The following SPOCK1 variants were observed in gnomAD, a reference collection of about 807,000 sequenced individuals.
The protein encoded by SPOCK1 is SPARC (osteonectin), cwcv and kazal like domains proteoglycan 1.
A neutral mutation model predicts 55.3 loss-of-function variants in SPOCK1; 23 were observed. The observed-to-expected ratio is 0.42, with a 90% CI of 0.30 to 0.59. The LOEUF (loss-of-function observed/expected upper bound fraction) is 0.59. Ranked by LOEUF, SPOCK1 falls within the 20% of genes least tolerant of loss-of-function variation. SPOCK1 has a pLI of 0.22. For synonymous variants in SPOCK1, 226 were observed against 221.0 expected (o/e 1.02, Z -0.20); for missense variants, 499 against 552.5 (o/e 0.90, Z 0.97).
chr5:137,052,598 T>C (rs539280277), intron 6 of SPOCK1, among the ~76,000 whole-genome samples: 28 of 152,318 alleles, frequency 1.8e-4, no homozygotes, highest in African/African-American at 6.0e-4. Context: ...ATAAAATCAG[T>C]ATTTATAACT....
At chr5:137,050,722 A>G (rs546940098) in intron 6 of SPOCK1, among the ~76,000 whole-genome samples, 1 of 152,348 alleles carries the variant, frequency 6.6e-6, no homozygotes, top group Admixed American at 6.5e-5. Flanking sequence ...TCTGCAGATG[A>G]TATCATTTTC....
At chr5:137,037,427 T>C (rs1751905449) in intron 6 of SPOCK1, among the ~76,000 whole-genome samples, 2 of 151,532 alleles carry the variant, frequency 1.3e-5, no homozygotes, top group South Asian at 2.1e-4. Flanking sequence ...CCTTCCTCTG[T>C]AGTCCACCTT....
At chr5:136,978,906 G>T in intron 10 of SPOCK1, 62 bp from the exon 11 acceptor site, 2 of 1,505,644 alleles carry the variant, frequency 1.3e-6, no homozygotes, top group East Asian at 2.3e-5. Flanking sequence ...CCACGTCAGG[G>T]GTTCCTTTGC....
chr5:137,099,344 G>A (rs974528195), intron 5 of SPOCK1, among the ~76,000 whole-genome samples: 1 of 152,098 alleles, frequency 6.6e-6, no homozygotes, highest in African/African-American at 2.4e-5. Flanking sequence ...ATAATGGGTT[G>A]GGGCAAAAGT....
In SPOCK1 at chr5:137,160,539, TA is replaced by T. The variant is rs1408515887; in HGVS notation, c.233-19846del. Among the ~76,000 whole-genome samples, 416 of 73,890 alleles carry T rather than the reference TA, an allele frequency of 5.6e-3. 1 individual carries two copies. The highest frequency in any genetic ancestry group is 0.013 in the African/African-American group (226 of 17,562). 48.5% of individuals were successfully genotyped at this position (73,890 alleles called of 152,430 possible). ...TATATATATAATATATAAAAATATATAATATATATAATATATATTATATATT... is the reference window on the plus strand; with the variant it reads ...TATATATATAATATATAAAAATATATATATATATAATATATATTATATATT... On this transcript the variant is annotated intron_variant, in intron 3 of 10. Transcript: ENST00000394945.
chr5:137,104,884 G>T (rs1052612599), intron 5 of SPOCK1, among the ~76,000 whole-genome samples: 1 of 152,122 alleles, frequency 6.6e-6, no homozygotes, highest in South Asian at 2.1e-4. Context: ...GAAATAAAGT[G>T]CACAATAAAT....
intron 4 of SPOCK1, among the ~76,000 whole-genome samples, chr5:137,131,084 C>G (rs897734494): frequency 2.0e-5 from 3 of 152,190 alleles, no homozygotes; most frequent in Non-Finnish European, 4.4e-5. Context: ...CCGATGGGCC[C>G]TACTATGGTG....
chr5:137,456,499 C>T (rs1193179682), intron 2 of SPOCK1, among the ~76,000 whole-genome samples: 1 of 152,106 alleles, frequency 6.6e-6, no homozygotes, highest in Non-Finnish European at 1.5e-5. Flanking sequence ...TTCCTGATCC[C>T]AGATTGTATA....
At chr5:137,272,578 A>C (rs1326338867) in intron 2 of SPOCK1, among the ~76,000 whole-genome samples, 1 of 152,298 alleles carries the variant, frequency 6.6e-6, no homozygotes, top group East Asian at 1.9e-4. Context: ...GAGGAGCCTC[A>C]GTGAGAATCC....
At chr5:137,400,047 C>T (rs1751942956) in intron 2 of SPOCK1, among the ~76,000 whole-genome samples, 1 of 152,216 alleles carries the variant, frequency 6.6e-6, no homozygotes, top group Non-Finnish European at 1.5e-5. Flanking sequence ...TAAAGCAGGT[C>T]TCATCCACCA....
chr5:137,458,911 G>A (rs1580938561), intron 2 of SPOCK1, among the ~76,000 whole-genome samples: 2 of 152,318 alleles, frequency 1.3e-5, no homozygotes, highest in South Asian at 4.1e-4. Flanking sequence ...ATAAAGATGG[G>A]CCACCAATTT....
chr5:137,036,957 C>T (rs935461333), intron 6 of SPOCK1, among the ~76,000 whole-genome samples: 7 of 152,180 alleles, frequency 4.6e-5, no homozygotes, highest in Non-Finnish European at 8.8e-5. Flanking sequence ...ATTACCAGCC[C>T]GGCAGCCCTG....
intron 2 of SPOCK1, among the ~76,000 whole-genome samples, chr5:137,419,047 T>C (rs1393124756): frequency 1.3e-5 from 2 of 152,240 alleles, no homozygotes; most frequent in Non-Finnish European, 2.9e-5. Context: ...GCACCATTTA[T>C]TAAATAGGGA....
At chr5:137,441,481 C>T (rs1343061655) in intron 2 of SPOCK1, among the ~76,000 whole-genome samples, 2 of 152,234 alleles carry the variant, frequency 1.3e-5, no homozygotes, top group African/African-American at 4.8e-5. Flanking sequence ...TAAATCAAAT[C>T]AGCCATCTTA....
At chr5:137,490,472 G>A (rs746680410) in intron 2 of SPOCK1, among the ~76,000 whole-genome samples, 14 of 152,142 alleles carry the variant, frequency 9.2e-5, no homozygotes, top group Non-Finnish European at 1.6e-4. Context: ...TGCTGAGAAC[G>A]CCGCAGTAAT....
intron 6 of SPOCK1, among the ~76,000 whole-genome samples, chr5:137,030,404 G>A (rs972934461): frequency 6.6e-6 from 1 of 152,230 alleles, no homozygotes; most frequent in Non-Finnish European, 1.5e-5. Context: ...AAGAGCAGAG[G>A]TATTAAACAA....
At chr5:137,128,290 C>A (rs149122836) in intron 4 of SPOCK1, among the ~76,000 whole-genome samples, 3 of 152,212 alleles carry the variant, frequency 2.0e-5, no homozygotes, top group African/African-American at 7.2e-5. Context: ...ATAAGCTGCC[C>A]AGTCTATAGT....
At chr5:136,985,299 A>T in intron 8 of SPOCK1, 97 bp from the exon 9 acceptor site, 2 of 1,149,520 alleles carry the variant, frequency 1.7e-6, no homozygotes, top group Non-Finnish European at 1.3e-6. Context: ...ACAATGACAC[A>T]CCTGGGAGTG....
chr5:137,189,380 C>T (rs1242086384), intron 3 of SPOCK1, among the ~76,000 whole-genome samples: 1 of 152,170 alleles, frequency 6.6e-6, no homozygotes, highest in Non-Finnish European at 1.5e-5. Context: ...AAGTTGAAGC[C>T]AGTGCTCATT....
Sources: allele counts gnomAD v4.1 joint callset (sites outside exome capture counted in the v4.1 genomes callset), GRCh38; gene constraint gnomAD v4.1.1; transcripts MANE v1.5; gene names NCBI Gene and HGNC (gene_info 2026-07-23, HGNC 2026-07-21).